MICU1: variants seen among roughly 807,000 people sequenced by gnomAD.
MICU1 encodes mitochondrial calcium uptake 1.
Under a neutral mutation model 56.8 loss-of-function variants are expected in MICU1, and 45 were observed. The ratio of observed to expected loss-of-function variants is 0.79; its 90% confidence interval spans 0.62 to 1.02. The LOEUF (loss-of-function observed/expected upper bound fraction) is 1.02. MICU1 is among the 50% of genes least tolerant of loss of function. The probability of loss-of-function intolerance (pLI) is 0.00; values close to 1 mark genes in which losing one functional copy is unlikely to be tolerated. For missense variants in MICU1, 504 were observed against 587.1 expected, an observed-to-expected ratio of 0.86 and a Z score of 1.46; for synonymous variants, 186 against 195.1, an observed-to-expected ratio of 0.95 and a Z score of 0.39.
intron 6 of MICU1, among the ~76,000 whole-genome samples, chr10:72,495,313 A>C (rs538670314): frequency 2.6e-5 from 4 of 152,242 alleles, no homozygotes; most frequent in African/African-American, 9.6e-5. Flanking sequence ...AATAATAGCC[A>C]AAGTGACGGC....
chr10:72,462,821 T>C (rs1338463062), intron 8 of MICU1, among the ~76,000 whole-genome samples: 1 of 152,206 alleles, frequency 6.6e-6, no homozygotes, highest in East Asian at 1.9e-4. Flanking sequence ...GCTAAGACTA[T>C]TTGAAAGACT....
chr10:72,556,427 G>A (rs1033096385), intron 3 of MICU1, among the ~76,000 whole-genome samples: 27 of 151,786 alleles, frequency 1.8e-4, no homozygotes, highest in Admixed American at 5.2e-4. Flanking sequence ...TGCAACCTCC[G>A]CCTCCCAGGT....
intron 6 of MICU1, among the ~76,000 whole-genome samples, chr10:72,501,442 T>C (rs567357266): frequency 5.3e-4 from 80 of 152,170 alleles, no homozygotes; most frequent in African/African-American, 1.9e-3. Context: ...GTTTTTTTTT[T>C]TTAATAAAAT....
intron 8 of MICU1, among the ~76,000 whole-genome samples, chr10:72,465,117 C>CAG (rs1325672100): frequency 1.3e-5 from 2 of 152,134 alleles, no homozygotes; most frequent in Non-Finnish European, 2.9e-5. Flanking sequence ...TCTCATGCCT[C>CAG]AGCCTCCCGA....
intron 10 of MICU1, among the ~76,000 whole-genome samples, chr10:72,404,264 G>A (rs11000290): frequency 0.02 from 3,029 of 152,272 alleles, 38 homozygotes; most frequent in East Asian, 0.05. Context: ...AATTACAGGC[G>A]TGAGCCACCA....
intron 1 of MICU1, among the ~76,000 whole-genome samples, chr10:72,613,570 C>G (rs1025098207): frequency 6.6e-6 from 1 of 152,058 alleles, no homozygotes; most frequent in Non-Finnish European, 1.5e-5. Context: ...AGCCACCACA[C>G]CTGGCTATAC....
intron 1 of MICU1, among the ~76,000 whole-genome samples, chr10:72,600,267 G>A (rs1309756445): frequency 4.7e-5 from 7 of 147,978 alleles, no homozygotes; most frequent in African/African-American, 1.5e-4. Context: ...ACTCCAGCCT[G>A]GGTGACAAGA....
In MICU1 at chr10:72,459,095, C is replaced by G. The variant is rs562545942; in HGVS notation, c.933+16005G>C. Among the ~76,000 whole-genome samples the G allele has an allele frequency of 1.2e-4, 18 of 152,186 alleles. No individual in the cohort carries two copies. The East Asian group carries it at 3.5e-3, about 30-fold the overall frequency. ...CTTGTAATCCCAACACTTTGGGAAG[C>G]CAAGGCAGGTGGATCTCTTGAGGTC... On this transcript the variant is annotated intron_variant, in intron 8 of 11. Coordinates refer to ENST00000361114, the MANE Select transcript of MICU1 (RefSeq NM_001195518.2).
At chr10:72,542,704 T>C (rs1839803423) in intron 4 of MICU1, among the ~76,000 whole-genome samples, 2 of 152,236 alleles carry the variant, frequency 1.3e-5, no homozygotes, top group African/African-American at 4.8e-5. Flanking sequence ...TGCCTCATTA[T>C]GTGGGACAGC....
chr10:72,475,820 T>C, intron 7 of MICU1: 1 of 456,434 alleles, frequency 2.2e-6, no homozygotes. Context: ...GTCAAGTGGC[T>C]GGTAAGTAGC....
intron 8 of MICU1, among the ~76,000 whole-genome samples, chr10:72,474,244 G>A (rs1866038771): frequency 9.1e-6 from 1 of 109,332 alleles, no homozygotes; most frequent in South Asian, 3.3e-4. Context: ...CTGGCTGATG[G>A]AGTAGGACTG....
In MICU1 at chr10:72,367,894, C is replaced by T. The variant is rs1862198133; in HGVS notation, c.*301G>A. 2 of 307,248 alleles carry T rather than the reference C, an allele frequency of 6.5e-6. No individual in the cohort carries two copies. The highest frequency in any genetic ancestry group is 4.5e-5 in the Admixed American group (1 of 22,078). 19.0% of individuals were successfully genotyped at this position (307,248 alleles called of 1,614,324 possible). On this transcript the variant is annotated 3_prime_UTR_variant, in exon 12 of 12. Transcript: ENST00000361114. ...GGGTTGGCAGGTGTGTGGATGGTTC[C>T]CTGAATTCTTTATCCACAGGATGCT...
chr10:72,500,914 TAAA>T (rs1382228573), intron 6 of MICU1, among the ~76,000 whole-genome samples: 1 of 152,200 alleles, frequency 6.6e-6, no homozygotes, highest in Non-Finnish European at 1.5e-5. Flanking sequence ...CTTCTGTGTA[TAAA>T]ATTTAAGACC....
At chr10:72,595,830 T>C (rs12770570) in intron 1 of MICU1, among the ~76,000 whole-genome samples, 3,232 of 152,176 alleles carry the variant, frequency 0.021, 41 homozygotes, top group Non-Finnish European at 0.032. Context: ...TTAAAAAATT[T>C]TGGATGAAAA....
rs1457174727 is a variant in MICU1, at chr10:72,569,227, A to AT, written c.-1-2434dup. Reference sequence around the variant, plus strand: ...TATGCATATATATATATATATATATATATATATATATTTTTTTTTTTTTTT... The same window carrying AT: ...TATGCATATATATATATATATATATATTATATATATATTTTTTTTTTTTTTT... On this transcript the variant is annotated intron_variant, in intron 1 of 11. Coordinates refer to ENST00000361114, the MANE Select transcript of MICU1 (RefSeq NM_001195518.2). Among the ~76,000 whole-genome samples, 94 of 40,566 alleles carry AT rather than the reference A, an allele frequency of 2.3e-3. 3 individuals are homozygous for AT. Among genetic ancestry groups the AT allele is most frequent in the African/African-American group, 9.4e-3 (87 of 9,212 alleles). The allele number at this position is 40,566 out of a possible 152,430, so 26.6% of individuals were successfully genotyped here. A position where few individuals can be genotyped will look rare whatever the true frequency, so the allele number is the denominator to read the frequency against.
chr10:72,459,133 C>A (rs1463741169), intron 8 of MICU1, among the ~76,000 whole-genome samples: 1 of 151,968 alleles, frequency 6.6e-6, no homozygotes, highest in Non-Finnish European at 1.5e-5. Context: ...GAGTTCAAGA[C>A]CAGCTTGGCC....
chr10:72,558,848 T>C (rs889959810), intron 3 of MICU1, among the ~76,000 whole-genome samples: 3 of 152,240 alleles, frequency 2.0e-5, no homozygotes, highest in South Asian at 4.2e-4. Flanking sequence ...CAAAACCACA[T>C]TCTATAAAAA....
chr10:72,592,538 C>T (rs1841257198), intron 1 of MICU1, among the ~76,000 whole-genome samples: 1 of 152,094 alleles, frequency 6.6e-6, no homozygotes, highest in South Asian at 2.1e-4. Flanking sequence ...AAACTATAGA[C>T]CAATATCCCT....
rs114001448 is a variant in MICU1, at chr10:72,446,490, C to T, written c.934-23119G>A. Among the ~76,000 whole-genome samples, 728 of 152,078 alleles carry T rather than the reference C, an allele frequency of 4.8e-3. 4 individuals are homozygous for T. Among genetic ancestry groups the T allele is most frequent in the African/African-American group, 0.017 (700 of 41,464 alleles). On this transcript the variant is annotated intron_variant, in intron 8 of 11. Transcript: ENST00000361114. ...GGATTACAGGTGTCCGCTACCATGC[C>T]TGGCTAATTTTTGTTTTTAGTAGAG...
Sources: allele counts gnomAD v4.1 joint callset (sites outside exome capture counted in the v4.1 genomes callset), GRCh38; gene constraint gnomAD v4.1.1; transcripts MANE v1.5; gene names NCBI Gene and HGNC (gene_info 2026-07-23, HGNC 2026-07-21).